The following NEBL variants were observed in gnomAD, a reference collection of about 807,000 sequenced individuals.
The protein encoded by NEBL is LIM and SH3 protein 2.
A neutral mutation model predicts 140.2 loss-of-function variants in NEBL; 122 were observed. The ratio of observed to expected loss-of-function variants is 0.87; its 90% CI spans 0.75 to 1.01. The LOEUF (loss-of-function observed/expected upper bound fraction) is 1.01. Ranked by LOEUF, NEBL falls within the 50% of genes least tolerant of loss-of-function variation. The pLI is 0.00. For synonymous variants in NEBL, 436 were observed against 398.9 expected (o/e 1.09, Z -1.11); for missense variants, 1,365 against 1,231.3 (o/e 1.11, Z -1.62).
rs142230302 is a variant in NEBL, at chr10:20,798,474, C to CAT, written c.2761+10034_2761+10035dup. On this transcript the variant is annotated intron_variant, in intron 26 of 27. Transcript: ENST00000377122. The stretch of plus-strand genomic sequence containing the variant: ...CACATGAGACAGACAGGTAAGTATG[C>CAT]ATATCTGTTCAGTCTATGATCCAAC... 2.5e-3 allele frequency among the ~76,000 whole-genome samples: 384 copies of CAT among 152,264 alleles called. 10 individuals carry two copies. In the East Asian group the frequency reaches 0.064, roughly 26 times the overall value.
At chr10:21,220,845 G>A (rs1165534564) in intron 3 of NEBL, among the ~76,000 whole-genome samples, 4 of 152,150 alleles carry the variant, frequency 2.6e-5, no homozygotes, top group African/African-American at 4.8e-5. Flanking sequence ...CAAAGGACCT[G>A]AATAGATTCT....
chr10:20,813,506 G>T (rs2130791597), intron 23 of NEBL, among the ~76,000 whole-genome samples: 2 of 152,182 alleles, frequency 1.3e-5, no homozygotes, highest in Middle Eastern at 3.4e-3. Context: ...CCATTGAATT[G>T]AACACTTTAA....
intron 1 of NEBL, among the ~76,000 whole-genome samples, chr10:21,265,709 G>T (rs1022197393): frequency 6.6e-6 from 1 of 152,192 alleles, no homozygotes; most frequent in Non-Finnish European, 1.5e-5. Context: ...GCAACAGTAC[G>T]CTTTTCTGAA....
At chr10:21,276,442 C>T (rs1393617325) in intron 1 of NEBL, among the ~76,000 whole-genome samples, 1 of 152,120 alleles carries the variant, frequency 6.6e-6, no homozygotes, top group African/African-American at 2.4e-5. Context: ...GCCTTGAGAC[C>T]CACACTTCCT....
intron 3 of NEBL, among the ~76,000 whole-genome samples, chr10:21,237,433 G>C (rs1842371141): frequency 6.6e-6 from 1 of 152,144 alleles, no homozygotes; most frequent in Non-Finnish European, 1.5e-5. Flanking sequence ...TCAAACTCCT[G>C]ACCTCAGGTT....
intron 4 of NEBL, among the ~76,000 whole-genome samples, chr10:20,920,181 G>A (rs1833513689): frequency 6.6e-6 from 1 of 152,224 alleles, no homozygotes; most frequent in African/African-American, 2.4e-5. Flanking sequence ...AACAGGCCCT[G>A]TCATATATTA....
At chr10:21,129,210 A>C (rs1046618587) in intron 2 of NEBL, among the ~76,000 whole-genome samples, 2 of 152,196 alleles carry the variant, frequency 1.3e-5, no homozygotes, top group Non-Finnish European at 2.9e-5. Context: ...TCTACATAAG[A>C]AAGAAAGTAC....
intron 2 of NEBL, among the ~76,000 whole-genome samples, chr10:21,151,474 A>G (rs767460542): frequency 3.3e-5 from 5 of 152,204 alleles, no homozygotes; most frequent in Non-Finnish European, 7.3e-5. Flanking sequence ...GTCCTTTTCT[A>G]GCCCATTAGT....
rs998011456 is a variant in NEBL, at chr10:21,130,822, T to C, written c.164+41561A>G. Among the ~76,000 whole-genome samples the C allele has an allele frequency of 2.0e-5, 3 of 151,834 alleles. No individual in the cohort carries two copies. The East Asian group carries it at 5.8e-4, about 29-fold the overall frequency. On this transcript the variant is annotated intron_variant, in intron 2 of 6. Coordinates refer to the NEBL transcript ENST00000417816. ...AAATTAATAATCTAACTTTCCACTT[T>C]AAGAAACTGGAAAAAGAAGAGCCAA... is the stretch of plus-strand genomic sequence containing the variant.
intron 1 of NEBL, among the ~76,000 whole-genome samples, chr10:21,265,175 G>A (rs1157519353): frequency 1.3e-5 from 2 of 151,804 alleles, no homozygotes; most frequent in African/African-American, 4.8e-5. Flanking sequence ...CACCCACCTG[G>A]GCCTCCCAAA....
At chr10:20,911,623 CA>C (rs1206539953) in intron 4 of NEBL, among the ~76,000 whole-genome samples, 10 of 152,214 alleles carry the variant, frequency 6.6e-5, no homozygotes, top group Admixed American at 3.9e-4. Flanking sequence ...GCATTTAACT[CA>C]AGTACATATA....
chr10:21,189,435 C>A (rs1475425025), intron 3 of NEBL, among the ~76,000 whole-genome samples: 1 of 152,096 alleles, frequency 6.6e-6, no homozygotes, highest in Non-Finnish European at 1.5e-5. Context: ...CATGGAAGAC[C>A]AGCTTTCTGT....
chr10:20,869,761 C>T lies in NEBL; in HGVS notation c.561G>A (p.Gln187=), dbSNP rs75301590. 1.2e-6 allele frequency: 2 copies of T among 1,611,180 alleles called. No homozygotes were observed. Among genetic ancestry groups the T allele is most frequent in the Admixed American group, 1.7e-5 (1 of 59,980 alleles). ...TTACATTGCTTATGATCTTAGAGATCTGGGTTGCCATCTTGATGTCTGGTC... is the reference window on the plus strand; with the variant it reads ...TTACATTGCTTATGATCTTAGAGATTTGGGTTGCCATCTTGATGTCTGGTC... ...LDRPDIKMAT[Q]ISKIISNAEY... is the part of the protein sequence containing the mutation. Residue 187 remains glutamine (Q), a synonymous_variant, in exon 6 of 28, where the codon CAG becomes CAA. Coordinates refer to ENST00000377122, the MANE Select transcript of NEBL (RefSeq NM_006393.3).
chr10:20,854,964 C>A (rs1440613652), intron 9 of NEBL, among the ~76,000 whole-genome samples: 1 of 151,940 alleles, frequency 6.6e-6, no homozygotes, highest in Non-Finnish European at 1.5e-5. Flanking sequence ...GTGGCTCACA[C>A]CTGTAATCCC....
chr10:21,057,557 T>TC (rs1835079021), intron 2 of NEBL, among the ~76,000 whole-genome samples: 2 of 147,010 alleles, frequency 1.4e-5, no homozygotes, highest in South Asian at 2.3e-4. Context: ...TTTTTTTTTT[T>TC]TTTTTTTTTT....
intron 2 of NEBL, among the ~76,000 whole-genome samples, chr10:21,100,056 A>T (rs1186053750): frequency 6.6e-6 from 1 of 152,240 alleles, no homozygotes; most frequent in Non-Finnish European, 1.5e-5. Context: ...AAAAAGAAAC[A>T]AAACCCCAAA....
At chr10:21,189,081 A>G (rs566287660) in intron 3 of NEBL, among the ~76,000 whole-genome samples, 1 of 152,300 alleles carries the variant, frequency 6.6e-6, no homozygotes, top group African/African-American at 2.4e-5. Flanking sequence ...AAGTATGTCA[A>G]TGTCCTAATC....
chr10:20,953,528 T>TG (rs1554811905), intron 4 of NEBL, among the ~76,000 whole-genome samples: 6,715 of 96,456 alleles, frequency 0.07, 374 homozygotes, highest in East Asian at 0.32. Flanking sequence ...TTTTTTTTTT[T>TG]GTAGGCTCTT....
At chr10:20,965,635 G>A (rs563219219) in intron 3 of NEBL, among the ~76,000 whole-genome samples, 11 of 152,328 alleles carry the variant, frequency 7.2e-5, no homozygotes, top group African/African-American at 2.2e-4. Context: ...CATGGGGCCC[G>A]TGGAGGTTTG....
Sources: gnomAD v4.1 joint callset for allele counts (sites outside exome capture counted in the v4.1 genomes callset) on GRCh38, gnomAD v4.1.1 for gene constraint, MANE v1.5 for transcripts, NCBI Gene and HGNC (gene_info 2026-07-23, HGNC 2026-07-21) for gene names.